Variants in CCDC106 observed in about 807,000 individuals in gnomAD.
The protein encoded by CCDC106 is coiled-coil domain-containing protein 106.
A neutral mutation model predicts 24.7 loss-of-function variants in CCDC106; 17 were observed. That is an observed-to-expected ratio of 0.69 (90% CI 0.47 to 1.03). The LOEUF (loss-of-function observed/expected upper bound fraction) is 1.03. CCDC106 is among the 50% of genes least tolerant of loss of function. The pLI, the probability that CCDC106 is intolerant of heterozygous loss-of-function variation, is 0.00. For missense variants in CCDC106, 337 were observed against 388.9 expected (o/e 0.87, Z 1.12); for synonymous variants, 211 against 161.3 (o/e 1.31, Z -2.34).
chr19:55,649,643 AC>A, intron 3 of CCDC106, 59 bp downstream of exon 3: 1 of 1,507,586 alleles, frequency 6.6e-7, no homozygotes, highest in Non-Finnish European at 9.1e-7. Flanking sequence ...GTACCCGCTC[AC>A]CCAGACTCAA....
intron 4 of CCDC106, among the ~76,000 whole-genome samples, chr19:55,651,998 G>C (rs1268110300): frequency 1.3e-5 from 2 of 152,074 alleles, no homozygotes; most frequent in African/African-American, 4.8e-5. Flanking sequence ...GTCCACCGTC[G>C]AGGGCAGGGC....
At chr19:55,649,382 TC>T in intron 2 of CCDC106, 25 bp from the exon 3 acceptor site, 1 of 1,613,122 alleles carries the variant, frequency 6.2e-7, no homozygotes, top group African/African-American at 1.3e-5. Context: ...TGTGACCTGG[TC>T]CCCCCACCCT....
rs1568543306 is a variant in CCDC106, at chr19:55,652,412, C to T, written c.527-18C>T. The T allele has an allele frequency of 2.5e-6, 4 of 1,575,944 alleles. No individual in the cohort carries two copies. The highest frequency in any genetic ancestry group is 2.6e-6 in the Non-Finnish European group (3 of 1,156,786). ...GTGCCCTGCCCCTCACTTTCGTGTC[C>T]CCGCCTCCACCCCTCAGTGAAGGAC... is the stretch of plus-strand genomic sequence containing the variant. On this transcript the variant is annotated intron_variant, in intron 4 of 4. Coordinates refer to ENST00000586790, the MANE Select transcript of CCDC106 (RefSeq NM_001370470.1). The surrounding 1 kb of genome is among the most constrained non-coding windows in gnomAD (Gnocchi z 5.9).
At chr19:55,649,352 C>G (rs767264002) in intron 2 of CCDC106, 43 bp downstream of exon 2, 1 of 1,612,902 alleles carries the variant, frequency 6.2e-7, no homozygotes, top group Admixed American at 1.7e-5. Flanking sequence ...AGCTGGGAAG[C>G]CAAGCCCTGA....
intron 1 of CCDC106, 60 bp from the exon 2 acceptor site, chr19:55,649,145 G>C (rs1285331138): frequency 1.1e-5 from 17 of 1,610,556 alleles, no homozygotes; most frequent in Non-Finnish European, 1.4e-5. Flanking sequence ...GCCGTGGTTG[G>C]GGGGTGGCCT....
At position 55,649,504 on chromosome 19, in the gene CCDC106, G is replaced by T. The variant is rs760403510; in HGVS notation, c.233G>T (p.Arg78Leu). Residue 78 changes from arginine to leucine, a missense_variant, in exon 3 of 5, where the codon CGC becomes CTC. Transcript: ENST00000586790. ...ALERNSWLQKRIEDLEEERDF... is the reference protein window; with the variant it reads ...ALERNSWLQKLIEDLEEERDF... ...GAGAGGAACTCCTGGCTGCAGAAGC[G>T]CATCGAGGACCTGGAGGAAGAGAGG... 6.2e-7 allele frequency: 1 copy of T among 1,613,994 alleles called. No individual in the cohort carries two copies. The highest frequency in any genetic ancestry group is 1.3e-5 in the African/African-American group (1 of 74,920).
Position 55,649,286 on chromosome 19 carries a change from G to A in CCDC106, c.113G>A (p.Ser38Asn), listed in dbSNP as rs551680180. ...HLDPQIFYSL[S>N]PSRRNFEEPP... ...GACCCACAGATCTTTTACAGTCTGAGCCCCTCTCGGAGAAACTTCGAGGGT... is the reference window on the plus strand; with the variant it reads ...GACCCACAGATCTTTTACAGTCTGAACCCCTCTCGGAGAAACTTCGAGGGT... The change falls in exon 2 of 5, where the codon AGC becomes AAC. Residue 38 changes from serine (S) to asparagine (N), a missense_variant. Coordinates refer to ENST00000586790, the MANE Select transcript of CCDC106 (RefSeq NM_001370470.1). 2.5e-6 allele frequency: 4 copies of A among 1,614,044 alleles called. No homozygotes were observed. Among genetic ancestry groups the A allele is most frequent in the East Asian group, 4.5e-5 (2 of 44,866 alleles).
Position 55,648,930 on chromosome 19 carries a change from A to T in CCDC106, c.-117A>T. 4 of 1,029,540 alleles carry T rather than the reference A, an allele frequency of 3.9e-6. No individual in the cohort carries two copies. Among genetic ancestry groups the T allele is most frequent in the Non-Finnish European group, 6.1e-6 (4 of 659,460 alleles). The allele number at this position is 1,029,540 out of a possible 1,614,324, so 63.8% of individuals were successfully genotyped here. ...CAGGCCAGAAGGTCCCTCCTGTCTC[A>T]CTTCACCTCCCCCAGGATGGACCCT... On this transcript the variant is annotated 5_prime_UTR_variant, in exon 1 of 5. Coordinates refer to ENST00000586790, the MANE Select transcript of CCDC106 (RefSeq NM_001370470.1).
chr19:55,650,132 C>T (rs982105036), intron 3 of CCDC106, among the ~76,000 whole-genome samples: 1 of 152,188 alleles, frequency 6.6e-6, no homozygotes, highest in South Asian at 2.1e-4. Flanking sequence ...CACTCCTTCC[C>T]CATCAAAGAC....
rs969552867 is a variant in CCDC106, at chr19:55,648,311, C to T, written c.-736C>T. Reference sequence around the variant, plus strand: ...GCGCGGGGGGCCTCGGCCCCTCGGACCCCGGGCACCCGCGGGCGGGGGATG... The same window carrying T: ...GCGCGGGGGGCCTCGGCCCCTCGGATCCCGGGCACCCGCGGGCGGGGGATG... On this transcript the variant is annotated 5_prime_UTR_variant, in exon 1 of 5. Coordinates refer to ENST00000586790, the MANE Select transcript of CCDC106 (RefSeq NM_001370470.1). 2.0e-5 allele frequency: 3 copies of T among 152,158 alleles called. No homozygotes were observed. Among genetic ancestry groups the T allele is most frequent in the Non-Finnish European group, 2.9e-5 (2 of 68,002 alleles). 9.4% of individuals were successfully genotyped at this position (152,158 alleles called of 1,614,324 possible).
At chr19:55,647,745 C>G (rs563997471), upstream of CCDC106, among the ~76,000 whole-genome samples, 50 of 152,208 alleles carry the variant, frequency 3.3e-4, no homozygotes, top group African/African-American at 1.2e-3. Context: ...CCCTGAGAAC[C>G]TTGGGGTCTG....
In CCDC106 at chr19:55,648,638, C is replaced by T; in HGVS notation, c.-409C>T. The T allele has an allele frequency of 4.0e-6, 1 of 249,726 alleles. No individual in the cohort carries two copies. The highest frequency in any genetic ancestry group is 7.8e-6 in the Non-Finnish European group (1 of 128,206). 15.5% of individuals were successfully genotyped at this position (249,726 alleles called of 1,614,324 possible). On this transcript the variant is annotated 5_prime_UTR_variant, in exon 1 of 5. Transcript: ENST00000586790. ...CCCTGCACCTGCCTCTTCCTTAGGC[C>T]TGGCAGTGGCCCGCGATGAGAGAGG...
rs200256103 is a variant in CCDC106, at chr19:55,651,395, G to A, written c.426G>A (p.Ala142=). 326 of 1,611,474 alleles carry A rather than the reference G, an allele frequency of 2.0e-4. 1 individual carries two copies. In the East Asian group the frequency reaches 6.4e-3, roughly 31 times the overall value. ...PESAASSLSG[A]SEEGSASERR... is the part of the protein sequence containing the mutation. ...CAGCAGCCTCCTCCCTCAGCGGAGC[G>A]TCCGAAGAAGGCAGCGCCAGTGAGA... The change falls in exon 4 of 5, where the codon GCG becomes GCA. Residue 142 remains alanine (A), a synonymous_variant. Coordinates refer to ENST00000586790, the MANE Select transcript of CCDC106 (RefSeq NM_001370470.1).
At position 55,649,066 on chromosome 19, in the gene CCDC106, G is replaced by A. The variant is rs756436123; in HGVS notation, c.20G>A (p.Arg7Gln). Residue 7 changes from arginine to glutamine, a missense_variant, in exon 1 of 5, where the codon CGG (arginine) becomes CAG (glutamine). Physicochemically the swap from Arg to Gln is conservative, Grantham distance 43. This residue lies in a region of CCDC106 where 234 missense variants were observed against 236.5 expected (regional missense o/e 0.99). Coordinates refer to ENST00000586790, the MANE Select transcript of CCDC106 (RefSeq NM_001370470.1). MNDRSS[R>Q]RRTMKDDETF... ...CGCGCCATGAATGACCGGAGCAGTC[G>A]GAGGCGGACAAGTGAGGAAGCTGGG... is the stretch of plus-strand genomic sequence containing the variant. 6.8e-6 allele frequency: 11 copies of A among 1,613,724 alleles called. No individual in the cohort carries two copies. The Admixed American group carries it at 1.7e-4, about 24-fold the overall frequency.
At chr19:55,650,093 C>G (rs990307945) in intron 3 of CCDC106, among the ~76,000 whole-genome samples, 2 of 151,880 alleles carry the variant, frequency 1.3e-5, no homozygotes, top group Admixed American at 6.6e-5. Context: ...CATCTTCCCA[C>G]CCACCCTGTC....
Position 55,648,735 on chromosome 19 carries a change from C to T in CCDC106, c.-312C>T, listed in dbSNP as rs973355099. 1.0e-5 allele frequency: 5 copies of T among 486,546 alleles called. No homozygotes were observed. The Admixed American group carries it at 1.5e-4, about 14-fold the overall frequency. The allele number at this position is 486,546 out of a possible 1,614,324, so 30.1% of individuals were successfully genotyped here. A position where few individuals can be genotyped will look rare whatever the true frequency, so the allele number is the denominator to read the frequency against. The stretch of plus-strand genomic sequence containing the variant: ...GGCACCCAGCAATTTAGGGCTTCAG[C>T]TTCCTTTTCCTTCGATACCCAGGAG... On this transcript the variant is annotated 5_prime_UTR_variant, in exon 1 of 5. Coordinates refer to ENST00000586790, the MANE Select transcript of CCDC106 (RefSeq NM_001370470.1).
chr19:55,652,830 C>T lies in CCDC106; in HGVS notation c.*84C>T, dbSNP rs1191002969. 1.7e-6 allele frequency: 2 copies of T among 1,193,760 alleles called. No homozygotes were observed. Among genetic ancestry groups the T allele is most frequent in the East Asian group, 5.1e-5 (2 of 39,374 alleles). 73.9% of individuals were successfully genotyped at this position (1,193,760 alleles called of 1,614,324 possible). On this transcript the variant is annotated 3_prime_UTR_variant, in exon 5 of 5. Coordinates refer to ENST00000586790, the MANE Select transcript of CCDC106 (RefSeq NM_001370470.1). The surrounding 1 kb of genome is among the most constrained non-coding windows in gnomAD (Gnocchi z 5.9). ...GACCTGCCCCTCTCCCCGCCGCGCC[C>T]CTGCCCCTCCTCCTCGCTCCCTGGG...
At position 55,652,304 on chromosome 19, in the gene CCDC106, A is replaced by G; in HGVS notation, c.527-126A>G. 1.3e-6 allele frequency: 1 copy of G among 754,520 alleles called. No individual in the cohort carries two copies. The highest frequency in any genetic ancestry group is 2.2e-6 in the Non-Finnish European group (1 of 462,712). The allele number at this position is 754,520 out of a possible 1,614,324, so 46.7% of individuals were successfully genotyped here. A position where few individuals can be genotyped will look rare whatever the true frequency, so the allele number is the denominator to read the frequency against. ...TCCTTGCCTGTTGTTCTCCGTCTCC[A>G]CCTGCACCGGCCCGTGCCTCTGCTC... On this transcript the variant is annotated intron_variant, in intron 4 of 4. Coordinates refer to ENST00000586790, the MANE Select transcript of CCDC106 (RefSeq NM_001370470.1). The surrounding 1 kb of genome is among the most constrained non-coding windows in gnomAD (Gnocchi z 5.9).
In CCDC106 at chr19:55,652,694, C is replaced by A; in HGVS notation, c.791C>A (p.Ala264Glu). 3.1e-6 allele frequency: 5 copies of A among 1,612,986 alleles called. No homozygotes were observed. Among genetic ancestry groups the A allele is most frequent in the Non-Finnish European group, 4.2e-6 (5 of 1,179,904 alleles). The change falls in exon 5 of 5, where the codon GCG becomes GAG. Residue 264 changes from alanine (A) to glutamate (E), a missense_variant. Around this residue, in one of 2 missense-constraint regions of CCDC106, gnomAD observed 103 missense variants for 152.4 expected, o/e 0.68. Coordinates refer to ENST00000586790, the MANE Select transcript of CCDC106 (RefSeq NM_001370470.1). This position sits in a 1 kb window ranked among gnomAD's most constrained non-coding sequence, Gnocchi z 5.9. The part of the protein sequence containing the change: ...LDDETLKKVQ[A>E]LKKSKLLLPI... ...GACGAGACGCTCAAGAAGGTGCAGG[C>A]GCTCAAGAAGAGCAAGCTGCTGCTG...
Sources: gnomAD v4.1 joint callset for allele counts (sites outside exome capture counted in the v4.1 genomes callset) on GRCh38, gnomAD v4.1.1 for gene constraint, gnomAD v4.1.1 regional missense constraint, Gnocchi (gnomAD v3.1) non-coding constraint, MANE v1.5 for transcripts, NCBI Gene and HGNC (gene_info 2026-07-23, HGNC 2026-07-21) for gene names.